The following POMT2 variants were observed in gnomAD, a reference collection of about 807,000 sequenced individuals.
POMT2 encodes the protein protein O-mannosyl-transferase 2.
In POMT2, 75 loss-of-function variants were observed where a neutral mutation model predicts 100.0. That is an observed-to-expected ratio of 0.75 (90% CI 0.62 to 0.91). The LOEUF (loss-of-function observed/expected upper bound fraction) is 0.91. Among genes scored for constraint, POMT2 ranks in the 40% least tolerant of loss-of-function variants. The pLI, the probability that POMT2 is intolerant of heterozygous loss-of-function variation, is 0.00. For synonymous variants in POMT2, 378 were observed against 374.1 expected (o/e 1.01, Z -0.12); for missense variants, 940 against 955.1 (o/e 0.98, Z 0.21).
chr14:77,279,037 G>A (rs760292350), intron 18 of POMT2, 168 bp from the exon 19 acceptor site: 355 of 917,368 alleles, frequency 3.9e-4, no homozygotes, highest in Non-Finnish European at 5.5e-4. Context: ...GCTGGGGCTC[G>A]AGAGCTCTGG....
intron 20 of POMT2, among the ~76,000 whole-genome samples, chr14:77,278,095 GCA>G (rs1447172498): frequency 1.1e-4 from 17 of 152,202 alleles, no homozygotes; most frequent in Admixed American, 6.5e-5. Flanking sequence ...AGCTGTTCTG[GCA>G]CAGAGTCACT....
intron 9 of POMT2, 72 bp from the exon 10 acceptor site, chr14:77,291,452 C>A (rs1890639901): frequency 6.4e-7 from 1 of 1,559,524 alleles, no homozygotes; most frequent in South Asian, 1.2e-5. Flanking sequence ...CACAGCTGGC[C>A]AAGGACAATC....
intron 9 of POMT2, among the ~76,000 whole-genome samples, chr14:77,293,203 C>A (rs1233136809): frequency 6.6e-6 from 1 of 152,126 alleles, no homozygotes; most frequent in African/African-American, 2.4e-5. Context: ...GTCCATCCAG[C>A]CTGGATTTGC....
At chr14:77,312,972 AT>A (rs1261378601) in intron 1 of POMT2, among the ~76,000 whole-genome samples, 2 of 152,268 alleles carry the variant, frequency 1.3e-5, no homozygotes, top group African/African-American at 4.8e-5. Flanking sequence ...TGCTTAAGTT[AT>A]TTTGCAAGTA....
intron 7 of POMT2, among the ~76,000 whole-genome samples, chr14:77,299,072 A>C (rs1299834519): frequency 6.6e-6 from 1 of 152,222 alleles, no homozygotes; most frequent in East Asian, 1.9e-4. Flanking sequence ...TGTGTACAAA[A>C]TGCGGAACAC....
At chr14:77,305,868 G>A (rs1891207762) in intron 3 of POMT2, among the ~76,000 whole-genome samples, 1 of 152,186 alleles carries the variant, frequency 6.6e-6, no homozygotes, top group South Asian at 2.1e-4. Context: ...AACCTTCATG[G>A]GGAAAGACAC....
chr14:77,286,056 T>C (rs1362944350), intron 12 of POMT2, among the ~76,000 whole-genome samples: 1 of 152,240 alleles, frequency 6.6e-6, no homozygotes, highest in African/African-American at 2.4e-5. Context: ...GCCTGGCTAT[T>C]GCACTTTGGA....
At chr14:77,310,924 G>A (rs1222362010) in intron 2 of POMT2, among the ~76,000 whole-genome samples, 1 of 152,154 alleles carries the variant, frequency 6.6e-6, no homozygotes, top group Non-Finnish European at 1.5e-5. Flanking sequence ...ACCTGAGGTT[G>A]GGAGTTCAAG....
At chr14:77,289,586 A>C (rs56368878) in intron 10 of POMT2, among the ~76,000 whole-genome samples, 274 of 152,282 alleles carry the variant, frequency 1.8e-3, no homozygotes, top group African/African-American at 6.0e-3. Flanking sequence ...TGGGAAGCTA[A>C]ATAGTAAGAC....
intron 1 of POMT2, among the ~76,000 whole-genome samples, chr14:77,317,013 T>C (rs1306823288): frequency 6.6e-6 from 1 of 152,220 alleles, no homozygotes; most frequent in Non-Finnish European, 1.5e-5. Context: ...ATCAAACTGC[T>C]GATCCAGCCT....
intron 11 of POMT2, among the ~76,000 whole-genome samples, chr14:77,287,987 TG>T (rs1890497358): frequency 6.6e-6 from 1 of 152,220 alleles, no homozygotes; most frequent in Non-Finnish European, 1.5e-5. Flanking sequence ...AAAGTGGACC[TG>T]GGCATAAGTG....
intron 18 of POMT2, chr14:77,279,566 A>T (rs970894956): frequency 8.1e-6 from 5 of 620,646 alleles, no homozygotes; most frequent in Middle Eastern, 2.5e-4. Flanking sequence ...AAGTTTCTTA[A>T]TCTCATGGTT....
rs1433953790 is a variant in POMT2, at chr14:77,278,863, G to A, written c.1898C>T (p.Ser633Phe). The A allele has an allele frequency of 1.9e-6, 3 of 1,613,148 alleles. No homozygotes were observed. The highest frequency in any genetic ancestry group is 2.5e-6 in the Non-Finnish European group (3 of 1,179,748). ...ARLPAEVAGL[S>F]QVLLRGGGQV... ...GCCGCCTCCTCGAAGCAGGACCTGG[G>A]ACAACCCTGGGCCCAAGCAGCACAG... Residue 633 changes from serine (S) to phenylalanine (F), a missense_variant, in exon 19 of 21, where the codon TCC becomes TTC. Ser to Phe is a radical substitution (Grantham distance 155). Transcript: ENST00000261534.
chr14:77,305,356 G>A (rs1891188979), intron 3 of POMT2, among the ~76,000 whole-genome samples: 1 of 151,956 alleles, frequency 6.6e-6, no homozygotes, highest in Admixed American at 6.6e-5. Context: ...TTGGTTTTTT[G>A]TTTTTTTAAG....
At chr14:77,319,884 T>A (rs1891786467) in intron 1 of POMT2, among the ~76,000 whole-genome samples, 2 of 152,240 alleles carry the variant, frequency 1.3e-5, no homozygotes, top group Admixed American at 1.3e-4. Context: ...AAGAATTCCA[T>A]TTCTGACACC....
intron 1 of POMT2, among the ~76,000 whole-genome samples, chr14:77,318,301 A>G (rs1439884092): frequency 1.3e-5 from 2 of 152,202 alleles, no homozygotes; most frequent in Non-Finnish European, 2.9e-5. Flanking sequence ...TGAAAACATA[A>G]AAACTTTATC....
chr14:77,305,970 A>C (rs572685796), intron 3 of POMT2, among the ~76,000 whole-genome samples: 37 of 152,312 alleles, frequency 2.4e-4, no homozygotes, highest in African/African-American at 8.4e-4. Context: ...CTGTGAGGGG[A>C]GGAGCAGGCA....
chr14:77,307,433 A>G (rs1891263834), intron 2 of POMT2, among the ~76,000 whole-genome samples: 1 of 152,248 alleles, frequency 6.6e-6, no homozygotes, highest in African/African-American at 2.4e-5. Context: ...TCTGGCAGTA[A>G]AAGACAACAA....
At chr14:77,314,121 T>C (rs1180784979) in intron 1 of POMT2, among the ~76,000 whole-genome samples, 1 of 152,226 alleles carries the variant, frequency 6.6e-6, no homozygotes, top group Non-Finnish European at 1.5e-5. Flanking sequence ...CGTGGCTCTC[T>C]TGTGCTCCTC....
Sources: allele counts gnomAD v4.1 joint callset (sites outside exome capture counted in the v4.1 genomes callset), GRCh38; gene constraint gnomAD v4.1.1; transcripts MANE v1.5; gene names NCBI Gene and HGNC (gene_info 2026-07-23, HGNC 2026-07-21).